Variants in CRISP2 observed in about 807,000 individuals in gnomAD.
CRISP2 encodes cysteine rich secretory protein 2.
CRISP2 carries 29 observed loss-of-function variants against 31.7 expected under a neutral mutation model. That is an observed-to-expected ratio of 0.92 (90% CI 0.68 to 1.25). The LOEUF (loss-of-function observed/expected upper bound fraction) is 1.25, where lower values mean the gene tolerates loss of function less well. CRISP2 is among the 50% of genes most tolerant of loss of function. The pLI, the probability that CRISP2 is intolerant of heterozygous loss-of-function variation, is 0.00. For synonymous variants in CRISP2, 111 were observed against 101.4 expected (o/e 1.09, Z -0.57); for missense variants, 318 against 286.5 (o/e 1.11, Z -0.79).
intron 9 of CRISP2, among the ~76,000 whole-genome samples, chr6:49,694,361 G>C (rs769268717): frequency 6.6e-5 from 10 of 152,172 alleles, no homozygotes; most frequent in Admixed American, 2.6e-4. Context: ...TAGTTGACCA[G>C]TAGTACTGGG....
intron 3 of CRISP2, among the ~76,000 whole-genome samples, chr6:49,711,005 C>T (rs555103): frequency 0.17 from 25,973 of 151,632 alleles, 2,827 homozygotes; most frequent in African/African-American, 0.32. Flanking sequence ...ATTAGCTGGG[C>T]ATGGTGGCAA....
chr6:49,702,318 A>T (rs1330543512), intron 4 of CRISP2, among the ~76,000 whole-genome samples: 3 of 150,758 alleles, frequency 2.0e-5, no homozygotes, highest in African/African-American at 7.3e-5. Context: ...TCCTCTGAGT[A>T]GATACTCAGT....
At chr6:49,707,159 T>G (rs899264819) in intron 4 of CRISP2, among the ~76,000 whole-genome samples, 1 of 152,210 alleles carries the variant, frequency 6.6e-6, no homozygotes, top group Admixed American at 6.5e-5. Flanking sequence ...ATTACATGAC[T>G]AGAAATATTA....
At chr6:49,711,531 T>C (rs764617207) in intron 2 of CRISP2, among the ~76,000 whole-genome samples, 15 of 152,202 alleles carry the variant, frequency 9.9e-5, no homozygotes, top group Non-Finnish European at 2.1e-4. Flanking sequence ...CATGAGTAAG[T>C]AAATCATGCC....
At chr6:49,682,605 TTCTTTCTTTC>T in the CRISP2 span, among the ~76,000 whole-genome samples, 2 of 65,436 alleles carry the variant, frequency 3.1e-5, no homozygotes, top group East Asian at 1.9e-3. Flanking sequence ...CTTTCTTTCT[TTCTTTCTTTC>T]TTTCTTTCTT....
chr6:49,684,464 G>A, the CRISP2 span, among the ~76,000 whole-genome samples: 5 of 152,216 alleles, frequency 3.3e-5, no homozygotes, highest in Non-Finnish European at 5.9e-5. Flanking sequence ...ATCCATGGAC[G>A]TAGAACTCAC....
chr6:49,692,802 T>G lies in CRISP2; in HGVS notation c.703A>C (p.Thr235Pro). The stretch of plus-strand genomic sequence containing the variant: ...TAAATTTTGTTCTCACATAGGCAAG[T>G]AGCCTTGCACTTTTCCTTGAGTAAC... ...HELLKEKCKA[T>P]CLCENKIY Residue 235 changes from threonine to proline, a missense_variant, in exon 10 of 10, where the codon ACT (threonine) becomes CCT (proline). Physicochemically the swap from Thr to Pro is conservative, Grantham distance 38. Transcript: ENST00000339139. The G allele has an allele frequency of 6.2e-7, 1 of 1,613,390 alleles. No individual in the cohort carries two copies. The highest frequency in any genetic ancestry group is 1.1e-5 in the South Asian group (1 of 91,044).
chr6:49,710,841 G>T (rs1767888963), intron 3 of CRISP2, among the ~76,000 whole-genome samples: 1 of 152,082 alleles, frequency 6.6e-6, no homozygotes, highest in African/African-American at 2.4e-5. Flanking sequence ...GAAAATCATG[G>T]ATAGGCCAGG....
At chr6:49,708,418 C>A (rs563111577) in intron 4 of CRISP2, among the ~76,000 whole-genome samples, 1 of 152,258 alleles carries the variant, frequency 6.6e-6, no homozygotes, top group Admixed American at 6.5e-5. Flanking sequence ...AGTTCAGGAT[C>A]TCAGGATGAG....
intron 4 of CRISP2, among the ~76,000 whole-genome samples, chr6:49,705,412 T>C (rs73437884): frequency 6.6e-6 from 1 of 152,106 alleles, no homozygotes; most frequent in African/African-American, 2.4e-5. Flanking sequence ...GTTGTGCAAG[T>C]CTGAGATCTT....
chr6:49,693,865 T>C (rs1764305705), intron 9 of CRISP2, among the ~76,000 whole-genome samples: 1 of 152,216 alleles, frequency 6.6e-6, no homozygotes, highest in Non-Finnish European at 1.5e-5. Flanking sequence ...TTTGTTGGGC[T>C]TCCTCCAAAC....
At chr6:49,689,647 CTT>C (rs1373236102), downstream of CRISP2, among the ~76,000 whole-genome samples, 1 of 151,950 alleles carries the variant, frequency 6.6e-6, no homozygotes, top group Non-Finnish European at 1.5e-5. Context: ...TACTCCATAA[CTT>C]TTACATTTTT....
At chr6:49,700,971 A>G (rs1047945777) in intron 4 of CRISP2, among the ~76,000 whole-genome samples, 187 bp from the exon 5 acceptor site, 1 of 152,146 alleles carries the variant, frequency 6.6e-6, no homozygotes, top group African/African-American at 2.4e-5. Flanking sequence ...TTGCCACTAA[A>G]TCTGAGTTGA....
At chr6:49,709,761 T>G (rs1240288755) in intron 3 of CRISP2, among the ~76,000 whole-genome samples, 2 of 152,248 alleles carry the variant, frequency 1.3e-5, no homozygotes, top group Non-Finnish European at 2.9e-5. Context: ...GTTATGTTTA[T>G]TTTCTTCCTT....
In CRISP2 at chr6:49,700,806, A is replaced by G. The variant is rs967845228; in HGVS notation, c.67-22T>C. 3 of 1,379,756 alleles carry G rather than the reference A, an allele frequency of 2.2e-6. No individual in the cohort carries two copies. The African/African-American group carries it at 4.3e-5, about 20-fold the overall frequency. The allele number at this position is 1,379,756 out of a possible 1,614,324, so 85.5% of individuals were successfully genotyped here. ...GATCCTAAAAGAAAATAAAATTGGA[A>G]TTATTATTTAACAATATTGTAAATT... On this transcript the variant is annotated intron_variant, in intron 4 of 9. Transcript: ENST00000339139.
At chr6:49,685,500 G>T in the CRISP2 span, among the ~76,000 whole-genome samples, 1 of 152,208 alleles carries the variant, frequency 6.6e-6, no homozygotes, top group East Asian at 1.9e-4. Flanking sequence ...ACACCACAGG[G>T]TTTATTCCTA....
intron 4 of CRISP2, among the ~76,000 whole-genome samples, chr6:49,705,430 G>A (rs1332071420): frequency 3.3e-5 from 5 of 152,058 alleles, no homozygotes; most frequent in Admixed American, 6.6e-5. Flanking sequence ...CTTGGTCCAG[G>A]CTACAACCCT....
chr6:49,699,766 C>T lies in CRISP2; in HGVS notation c.271+38G>A, dbSNP rs545791468. ...TACAATGCTCTATTATTATTTTATT[C>T]ATTTATTTATTCAACAAATATTTAC... On this transcript the variant is annotated intron_variant, in intron 6 of 9. Coordinates refer to ENST00000339139, the MANE Select transcript of CRISP2 (RefSeq NM_003296.4). 3 of 1,362,200 alleles carry T rather than the reference C, an allele frequency of 2.2e-6. No homozygotes were observed. The South Asian group carries it at 3.6e-5, about 16-fold the overall frequency. 84.4% of individuals were successfully genotyped at this position (1,362,200 alleles called of 1,614,324 possible).
chr6:49,695,937 A>G lies in CRISP2; in HGVS notation c.516-13T>C. ...CATATTATTACCACTGAAATTTGAA[A>G]TACATGTCAAATATTTTTCACTTTA... On this transcript the variant is annotated splice_polypyrimidine_tract_variant and intron_variant, in intron 8 of 9. Coordinates refer to ENST00000339139, the MANE Select transcript of CRISP2 (RefSeq NM_003296.4). The G allele has an allele frequency of 1.3e-6, 2 of 1,554,496 alleles. No individual in the cohort carries two copies. The highest frequency in any genetic ancestry group is 2.3e-5 in the South Asian group (2 of 88,838).
Sources: allele counts gnomAD v4.1 joint callset (sites outside exome capture counted in the v4.1 genomes callset), GRCh38; gene constraint gnomAD v4.1.1; transcripts MANE v1.5; gene names NCBI Gene and HGNC (gene_info 2026-07-23, HGNC 2026-07-21).